TBC1D9B: variants seen among roughly 807,000 people sequenced by gnomAD.
TBC1D9B encodes the protein TBC1 domain family, member 9B (with GRAM domain).
A neutral mutation model predicts 121.1 loss-of-function variants in TBC1D9B; 87 were observed. That is an observed-to-expected ratio of 0.72 (90% confidence interval 0.60 to 0.86). The LOEUF (loss-of-function observed/expected upper bound fraction) is 0.86. Among genes scored for constraint, TBC1D9B ranks in the 40% least tolerant of loss-of-function variants. TBC1D9B has a pLI of 0.00. For synonymous variants in TBC1D9B, 668 were observed against 670.1 expected (o/e 1.00, Z 0.05); for missense variants, 1,540 against 1,628.6 (o/e 0.95, Z 0.94).
chr5:179,899,963 C>T (rs1761122216), intron 2 of TBC1D9B, among the ~76,000 whole-genome samples: 1 of 152,170 alleles, frequency 6.6e-6, no homozygotes, highest in African/African-American at 2.4e-5. Context: ...GGCGCCGTGT[C>T]TCATGCCTGT....
At chr5:179,878,144 G>T (rs1367090040) in intron 10 of TBC1D9B, among the ~76,000 whole-genome samples, 165 bp downstream of exon 10, 3 of 152,262 alleles carry the variant, frequency 2.0e-5, no homozygotes, top group African/African-American at 7.2e-5. Context: ...TCGGCATGGG[G>T]ATGCGATGAG....
intron 16 of TBC1D9B, 73 bp downstream of exon 16, chr5:179,870,182 T>C (rs1760145439): frequency 2.5e-6 from 4 of 1,584,654 alleles, no homozygotes; most frequent in Non-Finnish European, 3.4e-6. Context: ...AGACAGGAGA[T>C]GCTGGCATTT....
rs1012174382 is a variant in TBC1D9B at position 179,890,032 on chromosome 5, G to A, written c.1044+1347C>T. ...ATGCTGTAGGGAGGAGGGAGAGGTCGGAATCTAGGCCGATACGTGGCTTTT... is the reference window on the plus strand; with the variant it reads ...ATGCTGTAGGGAGGAGGGAGAGGTCAGAATCTAGGCCGATACGTGGCTTTT... On this transcript the variant is annotated intron_variant, in intron 6 of 20. Transcript: ENST00000355235. The surrounding 1 kb of genome is among the most constrained non-coding windows in gnomAD (Gnocchi z 5.0). Among the ~76,000 whole-genome samples the A allele has an allele frequency of 1.1e-4, 17 of 152,060 alleles. No homozygotes were observed. The highest frequency in any genetic ancestry group is 3.9e-4 in the African/African-American group (16 of 41,392).
chr5:179,904,629 C>A lies in TBC1D9B; in HGVS notation c.229+73G>T. ...ATACCACCCAGACACGTGGGCTACACACCCCTTCCTCTCGGCAACGGCCCT... is the reference window on the plus strand; with the variant it reads ...ATACCACCCAGACACGTGGGCTACAAACCCCTTCCTCTCGGCAACGGCCCT... On this transcript the variant is annotated intron_variant, in intron 2 of 20. Transcript: ENST00000355235. The surrounding 1 kb of genome is among the most constrained non-coding windows in gnomAD (Gnocchi z 4.2). The A allele has an allele frequency of 7.6e-7, 1 of 1,322,362 alleles. No homozygotes were observed. Among genetic ancestry groups the A allele is most frequent in the East Asian group, 2.5e-5 (1 of 39,526 alleles). The allele number at this position is 1,322,362 out of a possible 1,614,324, so 81.9% of individuals were successfully genotyped here. A position where few individuals can be genotyped will look rare whatever the true frequency, so the allele number is the denominator to read the frequency against.
At chr5:179,878,051 T>G (rs945147472) in intron 10 of TBC1D9B, among the ~76,000 whole-genome samples, 5 of 152,276 alleles carry the variant, frequency 3.3e-5, no homozygotes, top group Non-Finnish European at 7.3e-5. Flanking sequence ...TTTTATGTTC[T>G]GTATGTGCCT....
chr5:179,871,814 C>A (rs1463209162), intron 14 of TBC1D9B: 1 of 273,586 alleles, frequency 3.7e-6, no homozygotes, highest in Non-Finnish European at 6.9e-6. Context: ...CGTGGGGGAG[C>A]CTCTCTCTCA....
chr5:179,899,138 A>G (rs1286389559), intron 3 of TBC1D9B, 51 bp downstream of exon 3: 2 of 1,467,634 alleles, frequency 1.4e-6, no homozygotes, highest in Non-Finnish European at 9.5e-7. Flanking sequence ...ATACACGAGA[A>G]CACTGCTGGC....
chr5:179,876,007 G>C lies in TBC1D9B; in HGVS notation c.1813C>G (p.Leu605Val), dbSNP rs1760350524. 6.2e-7 allele frequency: 1 copy of C among 1,612,774 alleles called. No individual in the cohort carries two copies. Residue 605 changes from leucine to valine, a missense_variant, in exon 11 of 21, where the codon CTC becomes GTC. Leu to Val is a conservative substitution (Grantham distance 32, BLOSUM62 1). Coordinates refer to ENST00000355235, the MANE Select transcript of TBC1D9B (RefSeq NM_015043.4). ...AMNIVTSVLL[L>V]YGSEEEAFWL... ...AAGGCCTCCTCCTCACTGCCATAGAGCAGGAGCACCGAGGTCACGATGTTC... is the reference window on the plus strand; with the variant it reads ...AAGGCCTCCTCCTCACTGCCATAGACCAGGAGCACCGAGGTCACGATGTTC...
At chr5:179,881,648 A>G (rs1379175352) in intron 7 of TBC1D9B, among the ~76,000 whole-genome samples, 2 of 152,118 alleles carry the variant, frequency 1.3e-5, no homozygotes, top group Non-Finnish European at 2.9e-5. Flanking sequence ...CTTTATACAA[A>G]ATTTCTTGAA....
rs1284248913 is a variant in TBC1D9B, at chr5:179,875,050, G to A, written c.2038C>T (p.Pro680Ser). 1.2e-6 allele frequency: 2 copies of A among 1,614,106 alleles called. No individual in the cohort carries two copies. Among genetic ancestry groups the A allele is most frequent in the Non-Finnish European group, 1.7e-6 (2 of 1,180,040 alleles). The change falls in exon 12 of 21, where the codon CCC becomes TCC. Residue 680 changes from proline (P) to serine (S), a missense_variant. Physicochemically the swap from Pro to Ser is moderately conservative, Grantham distance 74. Coordinates refer to ENST00000355235, the MANE Select transcript of TBC1D9B (RefSeq NM_015043.4). The surrounding 1 kb of genome is among the most constrained non-coding windows in gnomAD (Gnocchi z 4.5). The part of the protein sequence containing the change: ...WFLTLFLSVM[P>S]FESAVVIVDC... Reference sequence around the variant, plus strand: ...ACGATGACCACGGCGCTCTCGAAGGGCATGACGCTGAGGAAGAGGGTCAGG... The same window carrying A: ...ACGATGACCACGGCGCTCTCGAAGGACATGACGCTGAGGAAGAGGGTCAGG...
intron 17 of TBC1D9B, 190 bp downstream of exon 17, chr5:179,869,579 G>C: frequency 1.4e-6 from 1 of 713,038 alleles, no homozygotes; most frequent in Non-Finnish European, 2.5e-6. Flanking sequence ...CCCTTCCCAG[G>C]CCAAGGCCCT....
intron 12 of TBC1D9B, 104 bp from the exon 13 acceptor site, chr5:179,873,352 A>T: frequency 1.4e-6 from 2 of 1,418,584 alleles, no homozygotes; most frequent in Non-Finnish European, 1.9e-6. Flanking sequence ...GCAGACTCCT[A>T]ATAAGGAGTG....
Position 179,907,888 on chromosome 5 carries a change from A to AGCGGAGCGTGCGGG in TBC1D9B, c.-68_-67insCCCGCACGCTCCGC. The AGCGGAGCGTGCGGG allele has an allele frequency of 3.3e-6, 3 of 914,196 alleles. No individual in the cohort carries two copies. Among genetic ancestry groups the AGCGGAGCGTGCGGG allele is most frequent in the East Asian group, 1.1e-4 (1 of 9,188 alleles). 56.6% of individuals were successfully genotyped at this position (914,196 alleles called of 1,614,324 possible). A position where few individuals can be genotyped will look rare whatever the true frequency, so the allele number is the denominator to read the frequency against. On this transcript the variant is annotated 5_prime_UTR_variant, in exon 1 of 21. Coordinates refer to ENST00000355235, the MANE Select transcript of TBC1D9B (RefSeq NM_015043.4). This position sits in a 1 kb window ranked among gnomAD's most constrained non-coding sequence, Gnocchi z 5.3. ...GCGCCCGCCGCCGTCGGCGTCCCGGAGCGGAGCGTGCGGAGCGGAGCGTGC... is the reference window on the plus strand; with the variant it reads ...GCGCCCGCCGCCGTCGGCGTCCCGGAGCGGAGCGTGCGGGGCGGAGCGTGCGGAGCGGAGCGTGC...
rs1343140426 is a variant in TBC1D9B at position 179,871,536 on chromosome 5, A to G, written c.2416-6T>C. 6.2e-7 allele frequency: 1 copy of G among 1,612,352 alleles called. No homozygotes were observed. The highest frequency in any genetic ancestry group is 8.5e-7 in the Non-Finnish European group (1 of 1,179,228). On this transcript the variant is annotated splice_region_variant and splice_polypyrimidine_tract_variant and intron_variant, in intron 14 of 20. Coordinates refer to ENST00000355235, the MANE Select transcript of TBC1D9B (RefSeq NM_015043.4). ...TCCACAGGTATAGCTCGGACCTAGA[A>G]GGAAGGAGAAACAGGGTATATAGCT...
intron 1 of TBC1D9B, among the ~76,000 whole-genome samples, chr5:179,905,858 C>T (rs1472539927): frequency 6.6e-6 from 1 of 152,080 alleles, no homozygotes; most frequent in Non-Finnish European, 1.5e-5. Flanking sequence ...TGCTGTTATT[C>T]AACTTTAACA....
At chr5:179,896,647 C>T (rs918988660) in intron 3 of TBC1D9B, among the ~76,000 whole-genome samples, 1 of 151,996 alleles carries the variant, frequency 6.6e-6, no homozygotes. Flanking sequence ...CTCAGCCTCC[C>T]AAATAGGTGG....
Position 179,904,912 on chromosome 5 carries a change from C to G in TBC1D9B, c.119-100G>C, listed in dbSNP as rs1412858686. The G allele has an allele frequency of 1.5e-5, 13 of 889,868 alleles. No individual in the cohort carries two copies. Among genetic ancestry groups the G allele is most frequent in the Non-Finnish European group, 2.2e-5 (13 of 590,982 alleles). The allele number at this position is 889,868 out of a possible 1,614,324, so 55.1% of individuals were successfully genotyped here. A position where few individuals can be genotyped will look rare whatever the true frequency, so the allele number is the denominator to read the frequency against. On this transcript the variant is annotated intron_variant, in intron 1 of 20. Coordinates refer to ENST00000355235, the MANE Select transcript of TBC1D9B (RefSeq NM_015043.4). This position sits in a 1 kb window ranked among gnomAD's most constrained non-coding sequence, Gnocchi z 4.2. ...GAGGCAGACAGGATGGTGACGCTACCCAAAGGGTCCAGCCCAACGAGGGAA... is the reference window on the plus strand; with the variant it reads ...GAGGCAGACAGGATGGTGACGCTACGCAAAGGGTCCAGCCCAACGAGGGAA...
intron 3 of TBC1D9B, among the ~76,000 whole-genome samples, chr5:179,897,258 T>C (rs1311120345): frequency 1.3e-5 from 2 of 152,024 alleles, no homozygotes; most frequent in African/African-American, 4.8e-5. Flanking sequence ...TTCTGTGTAT[T>C]GCTCTCACTG....
In TBC1D9B at chr5:179,904,869, G is replaced by A; in HGVS notation, c.119-57C>T. The A allele has an allele frequency of 2.2e-6, 3 of 1,370,714 alleles. No homozygotes were observed. Among genetic ancestry groups the A allele is most frequent in the East Asian group, 2.6e-5 (1 of 38,260 alleles). 84.9% of individuals were successfully genotyped at this position (1,370,714 alleles called of 1,614,324 possible). ...AGGGGAGGGCCGGACTGAGGCCCCT[G>A]AAGGCTGAGTCTGGCCGGAGGCAGA... On this transcript the variant is annotated intron_variant, in intron 1 of 20. Coordinates refer to ENST00000355235, the MANE Select transcript of TBC1D9B (RefSeq NM_015043.4). The surrounding 1 kb of genome is among the most constrained non-coding windows in gnomAD (Gnocchi z 4.2).
Sources: allele counts gnomAD v4.1 joint callset (sites outside exome capture counted in the v4.1 genomes callset), GRCh38; gene constraint gnomAD v4.1.1; non-coding constraint Gnocchi (gnomAD v3.1); transcripts MANE v1.5; gene names NCBI Gene and HGNC (gene_info 2026-07-23, HGNC 2026-07-21).